The following VCAN variants were observed in gnomAD, a reference collection of about 807,000 sequenced individuals.
VCAN encodes versican core protein.
A neutral mutation model predicts 245.5 loss-of-function variants in VCAN; 44 were observed. That is an observed-to-expected ratio of 0.18 (90% CI 0.14 to 0.23). The LOEUF (loss-of-function observed/expected upper bound fraction) is 0.23. Among genes scored for constraint, VCAN ranks in the 10% least tolerant of loss-of-function variants. The probability of loss-of-function intolerance (pLI) is 1.00; values close to 1 mark genes in which losing one functional copy is unlikely to be tolerated. For synonymous variants in VCAN, 1,413 were observed against 1,437.0 expected (o/e 0.98, Z 0.38); for missense variants, 3,793 against 4,057.9 (o/e 0.93, Z 1.77).
In VCAN at chr5:83,582,243, G is replaced by A. The variant is rs1459626197; in HGVS notation, c.*1809G>A. On this transcript the variant is annotated 3_prime_UTR_variant, in exon 15 of 15. Coordinates refer to ENST00000265077, the MANE Select transcript of VCAN (RefSeq NM_004385.5). ...TTGTGAATGAAAATCTAAAATCTTTGTAACTTTTTATATCTGCTTTTGTTT... is the reference window on the plus strand; with the variant it reads ...TTGTGAATGAAAATCTAAAATCTTTATAACTTTTTATATCTGCTTTTGTTT... 1 of 151,968 alleles carries A rather than the reference G, an allele frequency of 6.6e-6. No individual in the cohort carries two copies. The highest frequency in any genetic ancestry group is 2.4e-5 in the African/African-American group (1 of 41,380). The allele number at this position is 151,968 out of a possible 1,614,324, so 9.4% of individuals were successfully genotyped here.
intron 13 of VCAN, among the ~76,000 whole-genome samples, chr5:83,576,360 T>C (rs1285579240): frequency 6.6e-6 from 1 of 152,166 alleles, no homozygotes; most frequent in Non-Finnish European, 1.5e-5. Context: ...TGTTCAGCAT[T>C]ATGTTTGTGA....
Position 83,490,349 on chromosome 5 carries a change from G to A in VCAN, c.322G>A (p.Glu108Lys), listed in dbSNP as rs781725797. The change falls in exon 3 of 15, where the codon GAG (glutamate) becomes AAG (lysine). Residue 108 changes from glutamate (E) to lysine (K), a missense_variant. By Grantham distance (56) the Glu-to-Lys change is moderately conservative (BLOSUM62 1). Transcript: ENST00000265077. ...GAGAGTGTCTGTGCCCACACATCCCGAGGCTGTGGGCGATGCCTCCCTCAC... is the reference window on the plus strand; with the variant it reads ...GAGAGTGTCTGTGCCCACACATCCCAAGGCTGTGGGCGATGCCTCCCTCAC... ...KGRVSVPTHPEAVGDASLTVV... is the reference protein window; with the variant it reads ...KGRVSVPTHPKAVGDASLTVV... The A allele has an allele frequency of 9.9e-6, 16 of 1,614,064 alleles. No homozygotes were observed. The highest frequency in any genetic ancestry group is 5.0e-5 in the Admixed American group (3 of 60,006).
At position 83,508,539 on chromosome 5, in the gene VCAN, G is replaced by A. The variant is rs186596576; in HGVS notation, c.749-3564G>A. Among the ~76,000 whole-genome samples, 23 of 152,228 alleles carry A rather than the reference G, an allele frequency of 1.5e-4. No homozygotes were observed. In the East Asian group the frequency reaches 4.4e-3, roughly 29 times the overall value. On this transcript the variant is annotated intron_variant, in intron 5 of 14. Coordinates refer to ENST00000265077, the MANE Select transcript of VCAN (RefSeq NM_004385.5). The stretch of plus-strand genomic sequence containing the variant: ...CTTCACTATATCATTAGGTTTTTGA[G>A]GTGAGCAAGGAAATGTTCACACTAA...
chr5:83,490,516 C>A (rs1397961354), intron 3 of VCAN, 44 bp downstream of exon 3: 2 of 1,609,880 alleles, frequency 1.2e-6, no homozygotes, highest in Non-Finnish European at 1.7e-6. Flanking sequence ...AACATGACAC[C>A]TGGTTCAGAA....
chr5:83,472,909 T>C (rs367963554), intron 1 of VCAN, among the ~76,000 whole-genome samples: 1 of 152,074 alleles, frequency 6.6e-6, no homozygotes, highest in African/African-American at 2.4e-5. Flanking sequence ...GTCGCTCCCA[T>C]CTCAACAAGC....
chr5:83,489,175 C>T (rs2112351523), intron 2 of VCAN, among the ~76,000 whole-genome samples: 1 of 151,016 alleles, frequency 6.6e-6, no homozygotes, highest in Admixed American at 6.6e-5. Context: ...AACTTGTTGA[C>T]CATATTTTCA....
intron 12 of VCAN, among the ~76,000 whole-genome samples, chr5:83,564,307 A>G (rs983560772): frequency 2.6e-5 from 4 of 152,172 alleles, no homozygotes; most frequent in African/African-American, 9.7e-5. Flanking sequence ...ATGGATATAT[A>G]TCACCACCTA....
rs1272685103 is a variant in VCAN, at chr5:83,537,315, G to C, written c.4312G>C (p.Ala1438Pro). The C allele has an allele frequency of 6.2e-7, 1 of 1,613,826 alleles. No homozygotes were observed. The highest frequency in any genetic ancestry group is 1.7e-5 in the Admixed American group (1 of 59,942). ...TAGGCGTGGCCAGTTTGAAAGTGTT[G>C]CACCTTCTCAGAATTTCTCGGACAG... ...EARRGQFESVAPSQNFSDSSE... is the reference protein window; with the variant it reads ...EARRGQFESVPPSQNFSDSSE... Residue 1438 changes from alanine (A) to proline (P), a missense_variant, in exon 8 of 15, where the codon GCA (alanine) becomes CCA (proline). Transcript: ENST00000265077.
At chr5:83,508,079 A>G (rs1385767462) in intron 5 of VCAN, among the ~76,000 whole-genome samples, 1 of 152,188 alleles carries the variant, frequency 6.6e-6, no homozygotes, top group Non-Finnish European at 1.5e-5. Flanking sequence ...TTGCTGTCTT[A>G]GACACTTCAT....
chr5:83,562,002 A>G (rs1401702733), intron 12 of VCAN: 2 of 152,154 alleles, frequency 1.3e-5, no homozygotes, highest in Non-Finnish European at 2.9e-5. Context: ...CAATCCCCAC[A>G]ACAAAAATTT....
intron 1 of VCAN, among the ~76,000 whole-genome samples, chr5:83,475,587 T>C (rs1226853060): frequency 6.6e-6 from 1 of 152,214 alleles, no homozygotes; most frequent in Non-Finnish European, 1.5e-5. Flanking sequence ...AGTTTGTAAC[T>C]TGGAAATGTT....
intron 11 of VCAN, among the ~76,000 whole-genome samples, chr5:83,554,604 C>T (rs576715847): frequency 4.0e-5 from 6 of 151,550 alleles, no homozygotes; most frequent in African/African-American, 9.7e-5. Context: ...CCAATGGCAT[C>T]GCTTAAAAAC....
Position 83,580,509 on chromosome 5 carries a change from G to A in VCAN, c.*75G>A. 6.3e-7 allele frequency: 1 copy of A among 1,592,574 alleles called. No individual in the cohort carries two copies. The highest frequency in any genetic ancestry group is 8.6e-7 in the Non-Finnish European group (1 of 1,168,120). ...CTTCCTGTGCCTTTCCTATCACCTC[G>A]AGAAGTAATTATCAGTTGGTTTGGA... On this transcript the variant is annotated 3_prime_UTR_variant, in exon 15 of 15. Transcript: ENST00000265077.
At chr5:83,526,679 A>G (rs1420900412) in intron 7 of VCAN, among the ~76,000 whole-genome samples, 1 of 152,248 alleles carries the variant, frequency 6.6e-6, no homozygotes, top group Non-Finnish European at 1.5e-5. Flanking sequence ...TCTCATTACA[A>G]TGATACACAT....
At chr5:83,564,866 T>C (rs1395882397) in intron 12 of VCAN, among the ~76,000 whole-genome samples, 1 of 152,126 alleles carries the variant, frequency 6.6e-6, no homozygotes. Context: ...AAGAATGGTT[T>C]TTCTCAAAGG....
chr5:83,547,260 G>A (rs113948084), intron 9 of VCAN, among the ~76,000 whole-genome samples: 13 of 152,324 alleles, frequency 8.5e-5, no homozygotes, highest in African/African-American at 2.9e-4. Flanking sequence ...TGAGACCTTA[G>A]CATGCATCAG....
At chr5:83,518,763 A>G (rs1745959059) in intron 6 of VCAN, among the ~76,000 whole-genome samples, 1 of 152,214 alleles carries the variant, frequency 6.6e-6, no homozygotes, top group Non-Finnish European at 1.5e-5. Context: ...TGTTTTTATG[A>G]AAGTCTCCAC....
rs369268448 is a variant in VCAN, at chr5:83,539,482, C to A, written c.6479C>A (p.Thr2160Lys). The change falls in exon 8 of 15, where the codon ACA (threonine) becomes AAA (lysine). Residue 2160 changes from threonine to lysine, a missense_variant. Thr to Lys is a moderately conservative substitution (Grantham distance 78, BLOSUM62 -1). Around this residue, in one of 5 missense-constraint regions of VCAN, gnomAD observed 3,182 missense variants for 3,250.3 expected, o/e 0.98. Coordinates refer to ENST00000265077, the MANE Select transcript of VCAN (RefSeq NM_004385.5). ...ACCACAGATTATTCTGTACTAACAA[C>A]AAAGAAAACTTACAGTGATGATAAA... ...LKTTDYSVLT[T>K]KKTYSDDKEM... 3.1e-6 allele frequency: 5 copies of A among 1,613,602 alleles called. No individual in the cohort carries two copies. In the African/African-American group the frequency reaches 6.7e-5, roughly 22 times the overall value.
At chr5:83,566,334 T>C (rs1225500412) in intron 12 of VCAN, among the ~76,000 whole-genome samples, 3 of 152,188 alleles carry the variant, frequency 2.0e-5, no homozygotes, top group Non-Finnish European at 4.4e-5. Flanking sequence ...GCTATTAGTG[T>C]ACATTACATT....
Sources: allele counts gnomAD v4.1 joint callset (sites outside exome capture counted in the v4.1 genomes callset), GRCh38; gene constraint gnomAD v4.1.1; regional missense constraint gnomAD v4.1.1; transcripts MANE v1.5; gene names NCBI Gene and HGNC (gene_info 2026-07-23, HGNC 2026-07-21).